INSYN2A: variants seen among roughly 807,000 people sequenced by gnomAD.
The protein encoded by INSYN2A is inhibitory synaptic factor 2A, also known as family with sequence similarity 196 member A.
INSYN2A carries 17 observed loss-of-function variants against 39.4 expected under a neutral mutation model. The observed-to-expected ratio is 0.43, with a 90% CI of 0.30 to 0.65. The LOEUF (loss-of-function observed/expected upper bound fraction) is 0.65, where lower values mean the gene tolerates loss of function less well. Among genes scored for constraint, INSYN2A ranks in the 30% least tolerant of loss-of-function variants. INSYN2A has a pLI of 0.14. For synonymous variants in INSYN2A, 255 were observed against 265.7 expected (o/e 0.96, Z 0.39); for missense variants, 595 against 631.2 (o/e 0.94, Z 0.61).
intron 4 of INSYN2A, among the ~76,000 whole-genome samples, chr10:127,158,306 C>G (rs935122741): frequency 7.9e-5 from 12 of 152,194 alleles, no homozygotes; most frequent in African/African-American, 2.9e-4. Flanking sequence ...ACTGCTAGAG[C>G]AGATTCTTCT....
intron 4 of INSYN2A, among the ~76,000 whole-genome samples, chr10:127,168,532 T>A (rs529224068): frequency 1.8e-4 from 28 of 152,350 alleles, no homozygotes; most frequent in Admixed American, 1.4e-3. Flanking sequence ...CAAGATCATT[T>A]TCAGGACTGC....
intron 4 of INSYN2A, among the ~76,000 whole-genome samples, chr10:127,174,644 A>G (rs1275849046): frequency 6.6e-6 from 1 of 152,200 alleles, no homozygotes; most frequent in Non-Finnish European, 1.5e-5. Flanking sequence ...CTGGTCTCAC[A>G]ATGCCCATTG....
At chr10:127,159,158 A>G (rs1007031288) in intron 4 of INSYN2A, among the ~76,000 whole-genome samples, 2 of 152,232 alleles carry the variant, frequency 1.3e-5, no homozygotes, top group East Asian at 3.9e-4. Context: ...TGGACAAGCC[A>G]ATTCTACAAG....
intron 5 of INSYN2A, among the ~76,000 whole-genome samples, chr10:127,150,070 A>G (rs1180449589): frequency 6.6e-6 from 1 of 152,228 alleles, no homozygotes; most frequent in African/African-American, 2.4e-5. Flanking sequence ...TGGGAGAACA[A>G]GACATGGATG....
intron 5 of INSYN2A, among the ~76,000 whole-genome samples, chr10:127,147,325 G>T (rs1057146322): frequency 6.6e-6 from 1 of 152,140 alleles, no homozygotes; most frequent in Non-Finnish European, 1.5e-5. Flanking sequence ...CCTGCCAGTT[G>T]TTCCTAACGC....
chr10:127,193,400 CGTG>C (rs1252345734), intron 1 of INSYN2A, among the ~76,000 whole-genome samples: 4 of 152,150 alleles, frequency 2.6e-5, no homozygotes, highest in Non-Finnish European at 5.9e-5. Flanking sequence ...CGTTAAAATC[CGTG>C]GTGAACCTGT....
In INSYN2A at chr10:127,141,430, C is replaced by T. The variant is rs1252400463; in HGVS notation, c.1257-3410G>A. On this transcript the variant is annotated intron_variant, in intron 5 of 5. Transcript: ENST00000522781. Reference sequence around the variant, plus strand: ...TTAAAAGGCAAATTCTGGCCAGGCACGGTGGCTCATGCCTGTAATCCTAGC... The same window carrying T: ...TTAAAAGGCAAATTCTGGCCAGGCATGGTGGCTCATGCCTGTAATCCTAGC... Among the ~76,000 whole-genome samples, 7 of 152,238 alleles carry T rather than the reference C, an allele frequency of 4.6e-5. No homozygotes were observed. The South Asian group carries it at 6.2e-4, about 14-fold the overall frequency.
chr10:127,169,782 G>C (rs1589748836), intron 4 of INSYN2A, among the ~76,000 whole-genome samples: 2 of 152,162 alleles, frequency 1.3e-5, no homozygotes, highest in African/African-American at 2.4e-5. Flanking sequence ...ATGAGACTAA[G>C]TCCTTACCTC....
At chr10:127,149,048 T>C (rs763320313) in intron 5 of INSYN2A, among the ~76,000 whole-genome samples, 4 of 152,190 alleles carry the variant, frequency 2.6e-5, no homozygotes, top group South Asian at 2.1e-4. Flanking sequence ...TCTGAGTCAA[T>C]AGATTTGCCA....
intron 2 of INSYN2A, among the ~76,000 whole-genome samples, chr10:127,189,435 T>G (rs2134073413): frequency 6.6e-6 from 1 of 152,360 alleles, no homozygotes; most frequent in East Asian, 1.9e-4. Flanking sequence ...TGCTAACTTC[T>G]GTCATTCAGC....
At chr10:127,187,779 A>AAAGC (rs142757297) in intron 2 of INSYN2A, among the ~76,000 whole-genome samples, 12 of 151,726 alleles carry the variant, frequency 7.9e-5, no homozygotes, top group African/African-American at 1.9e-4. Flanking sequence ...AAGAGAGAGA[A>AAAGC]AAGCAAGCAA....
chr10:127,155,506 A>G (rs1268777635), intron 4 of INSYN2A, among the ~76,000 whole-genome samples: 1 of 152,158 alleles, frequency 6.6e-6, no homozygotes, highest in African/African-American at 2.4e-5. Context: ...GGAACCCCAC[A>G]GCAGGCCATT....
In INSYN2A at chr10:127,194,807, G is replaced by A. The variant is rs555758202; in HGVS notation, c.-395+1190C>T. On this transcript the variant is annotated intron_variant, in intron 1 of 5. Coordinates refer to ENST00000522781, the MANE Select transcript of INSYN2A (RefSeq NM_001039762.3). Reference sequence around the variant, plus strand: ...ATGATCGTTTGGCTTCCCAGCCAAGGCAGGGCTCCCCCAAAGTTCATTCCC... The same window carrying A: ...ATGATCGTTTGGCTTCCCAGCCAAGACAGGGCTCCCCCAAAGTTCATTCCC... 8.5e-5 allele frequency among the ~76,000 whole-genome samples: 13 copies of A among 152,266 alleles called. No homozygotes were observed. In the East Asian group the frequency reaches 9.7e-4, roughly 11 times the overall value.
intron 5 of INSYN2A, among the ~76,000 whole-genome samples, chr10:127,141,153 C>T (rs542345389): frequency 1.3e-4 from 20 of 152,332 alleles, no homozygotes; most frequent in African/African-American, 4.8e-4. Context: ...ACATAACCTC[C>T]TTGTTGTCTG....
At chr10:127,182,035 C>A (rs1268098637) in intron 2 of INSYN2A, among the ~76,000 whole-genome samples, 1 of 152,190 alleles carries the variant, frequency 6.6e-6, no homozygotes, top group African/African-American at 2.4e-5. Flanking sequence ...TGAATTCAGA[C>A]ACCCTTGTGT....
chr10:127,149,650 A>G (rs898516721), intron 5 of INSYN2A, among the ~76,000 whole-genome samples: 2 of 152,172 alleles, frequency 1.3e-5, no homozygotes, highest in African/African-American at 4.8e-5. Flanking sequence ...AATGCAAGAC[A>G]GGCAGGGTCA....
At chr10:127,194,821 A>G (rs1477231334) in intron 1 of INSYN2A, among the ~76,000 whole-genome samples, 1 of 152,142 alleles carries the variant, frequency 6.6e-6, no homozygotes, top group Non-Finnish European at 1.5e-5. Context: ...GGCTCCCCCA[A>G]AGTTCATTCC....
Position 127,136,666 on chromosome 10 carries a change from TCTAAGTGTTA to T in INSYN2A, c.*1161_*1170del, listed in dbSNP as rs2050728667. The T allele has an allele frequency of 6.6e-6, 1 of 152,670 alleles. No individual in the cohort carries two copies. The allele number at this position is 152,670 out of a possible 1,614,324, so 9.5% of individuals were successfully genotyped here. ...TTGCAATGTGTAATCAAGAGAGAACTCTAAGTGTTACTGTTGATTTAAAAAATACCTAAAA... is the reference window on the plus strand; with the variant it reads ...TTGCAATGTGTAATCAAGAGAGAACTCTGTTGATTTAAAAAATACCTAAAA... On this transcript the variant is annotated 3_prime_UTR_variant, in exon 6 of 6. Transcript: ENST00000522781.
At chr10:127,181,147 A>T (rs1363460934) in intron 2 of INSYN2A, among the ~76,000 whole-genome samples, 1 of 152,230 alleles carries the variant, frequency 6.6e-6, no homozygotes, top group African/African-American at 2.4e-5. Flanking sequence ...TAAAGAATGA[A>T]AATGAATTTC....
Sources: gnomAD v4.1 joint callset for allele counts (sites outside exome capture counted in the v4.1 genomes callset) on GRCh38, gnomAD v4.1.1 for gene constraint, MANE v1.5 for transcripts, NCBI Gene and HGNC (gene_info 2026-07-23, HGNC 2026-07-21) for gene names.